Variants in INO80D observed in about 807,000 individuals in gnomAD.
INO80D encodes INO80 complex subunit D.
Under a neutral mutation model 87.6 loss-of-function variants are expected in INO80D, and 21 were observed. That is an observed-to-expected ratio of 0.24 (90% CI 0.17 to 0.35). The LOEUF (loss-of-function observed/expected upper bound fraction) is 0.35, where lower values mean the gene tolerates loss of function less well. INO80D is among the 10% of genes least tolerant of loss of function. The probability of loss-of-function intolerance (pLI) is 1.00; values close to 1 mark genes in which losing one functional copy is unlikely to be tolerated. For synonymous variants in INO80D, 440 were observed against 491.0 expected, an observed-to-expected ratio of 0.90 and a Z score of 1.37; for missense variants, 982 against 1,280.7, an observed-to-expected ratio of 0.77 and a Z score of 3.56.
chr2:206,018,430 G>A (rs1220112795), intron 7 of INO80D, among the ~76,000 whole-genome samples: 1 of 152,142 alleles, frequency 6.6e-6, no homozygotes, highest in Non-Finnish European at 1.5e-5. Flanking sequence ...ATAGGCATAA[G>A]CCACTGCACC....
At chr2:206,069,032 C>T (rs534552314) in intron 1 of INO80D, among the ~76,000 whole-genome samples, 120 of 152,176 alleles carry the variant, frequency 7.9e-4, no homozygotes, top group Middle Eastern at 3.4e-3. Context: ...ATGAGTTTAT[C>T]CAATTTATAA....
intron 1 of INO80D, among the ~76,000 whole-genome samples, chr2:206,083,982 C>T (rs1239589936): frequency 1.3e-5 from 2 of 151,262 alleles, no homozygotes; most frequent in African/African-American, 2.4e-5. Flanking sequence ...TCAATGTCAA[C>T]ACTCAAGAAC....
In INO80D at chr2:206,009,754, T is replaced by C. The variant is rs1688120990; in HGVS notation, c.1583A>G (p.His528Arg). 8 of 1,613,708 alleles carry C rather than the reference T, an allele frequency of 5.0e-6. No individual in the cohort carries two copies. The highest frequency in any genetic ancestry group is 6.8e-6 in the Non-Finnish European group (8 of 1,179,750). The change falls in exon 9 of 11, where the codon CAC becomes CGC. Residue 528 changes from histidine (H) to arginine (R), a missense_variant. His to Arg is a conservative substitution (Grantham distance 29). Transcript: ENST00000403263. ...TTTCCTGGGTTTCCTCTGCTGCTGG[T>C]GCTGAACTTTACGGGAGTTATCTCC... is the stretch of plus-strand genomic sequence containing the variant. Reference protein sequence around the residue: ...LRGDNSRKVQHQQQRKPRKKT... With the variant: ...LRGDNSRKVQRQQQRKPRKKT...
In INO80D at chr2:206,060,629, C is replaced by T. The variant is rs61637011; in HGVS notation, c.218+2170G>A. On this transcript the variant is annotated intron_variant, in intron 3 of 10. Coordinates refer to ENST00000403263, the MANE Select transcript of INO80D (RefSeq NM_017759.5). Reference sequence around the variant, plus strand: ...AGGCTGGAGTGCAATGGCGCGATCTCCGCTCACTGCAACCTCCGCCTCCTG... The same window carrying T: ...AGGCTGGAGTGCAATGGCGCGATCTTCGCTCACTGCAACCTCCGCCTCCTG... Among the ~76,000 whole-genome samples, 8 of 151,162 alleles carry T rather than the reference C, an allele frequency of 5.3e-5. No individual in the cohort carries two copies. The Middle Eastern group carries it at 0.014, about 262-fold the overall frequency.
rs769668685 is a variant in INO80D, at chr2:206,004,657, G to A, written c.2795C>T (p.Pro932Leu). ...PTTSNSETTQ[P>L]AFATVTPSSS... ...GCTGGGGGTCACGGTGGCGAAGGCA[G>A]GCTGTGTGGTCTCTGAGTTCGAAGT... is the stretch of plus-strand genomic sequence containing the variant. Residue 932 changes from proline to leucine, a missense_variant, in exon 11 of 11, where the codon CCT (proline) becomes CTT (leucine). Coordinates refer to ENST00000403263, the MANE Select transcript of INO80D (RefSeq NM_017759.5). The surrounding 1 kb of genome is among the most constrained non-coding windows in gnomAD (Gnocchi z 4.9). 1.2e-6 allele frequency: 2 copies of A among 1,613,786 alleles called. No homozygotes were observed. Among genetic ancestry groups the A allele is most frequent in the South Asian group, 1.1e-5 (1 of 91,060 alleles).
In INO80D at chr2:205,994,786, T is replaced by C. The variant is rs1687778543; in HGVS notation, c.*9582A>G. The C allele has an allele frequency of 6.6e-6, 1 of 151,474 alleles. No homozygotes were observed. Among genetic ancestry groups the C allele is most frequent in the African/African-American group, 2.4e-5 (1 of 41,210 alleles). The allele number at this position is 151,474 out of a possible 1,614,324, so 9.4% of individuals were successfully genotyped here. A position where few individuals can be genotyped will look rare whatever the true frequency, so the allele number is the denominator to read the frequency against. On this transcript the variant is annotated 3_prime_UTR_variant, in exon 11 of 11. Transcript: ENST00000403263. ...TCTTCCTTAATAGTCTTGCATTCAG[T>C]GTGTCAAATTGATGTACTAATGAAA... is the stretch of plus-strand genomic sequence containing the variant.
At chr2:206,070,006 G>A (rs12475967) in intron 1 of INO80D, among the ~76,000 whole-genome samples, 41,215 of 152,144 alleles carry the variant, frequency 0.27, 6,679 homozygotes, top group Non-Finnish European at 0.36. Context: ...AGGTATGATG[G>A]TGCACGCCTG....
intron 4 of INO80D, among the ~76,000 whole-genome samples, chr2:206,046,925 C>T (rs1213645151): frequency 8.6e-5 from 13 of 152,032 alleles, no homozygotes; most frequent in African/African-American, 2.2e-4. Context: ...GGACTACACG[C>T]GCCAGCCACC....
At position 206,004,951 on chromosome 2, in the gene INO80D, T is replaced by C. The variant is rs542653405; in HGVS notation, c.2501A>G (p.His834Arg). ...ATGGTCACTGTAGGGAGACGGCACA[T>C]GCTCACTATCATAATGGCTTCCATG... The part of the protein sequence containing the change: ...SPHGSHYDSE[H>R]VPSPYSDHIT... Residue 834 changes from histidine to arginine, a missense_variant, in exon 11 of 11, where the codon CAT (histidine) becomes CGT (arginine). His to Arg is a conservative substitution (Grantham distance 29). Transcript: ENST00000403263. This position sits in a 1 kb window ranked among gnomAD's most constrained non-coding sequence, Gnocchi z 4.9. 68 of 1,613,998 alleles carry C rather than the reference T, an allele frequency of 4.2e-5. No homozygotes were observed. The Admixed American group carries it at 6.8e-4, about 16-fold the overall frequency.
intron 6 of INO80D, among the ~76,000 whole-genome samples, chr2:206,022,821 C>T (rs1456669935): frequency 1.3e-5 from 2 of 152,270 alleles, no homozygotes; most frequent in East Asian, 3.9e-4. Flanking sequence ...TCAAGCAATT[C>T]TCCCACAGCA....
chr2:206,005,801 T>C (rs182589303), intron 10 of INO80D, among the ~76,000 whole-genome samples: 1 of 152,320 alleles, frequency 6.6e-6, no homozygotes, highest in African/African-American at 2.4e-5. Context: ...AGTACTAAAT[T>C]CTTAGGAATT....
intron 5 of INO80D, among the ~76,000 whole-genome samples, chr2:206,039,326 G>A (rs1245719183): frequency 6.6e-6 from 1 of 151,846 alleles, no homozygotes; most frequent in Non-Finnish European, 1.5e-5. Flanking sequence ...GAACCCAGGA[G>A]GCAGACATTG....
rs1177982685 is a variant in INO80D at position 206,004,243 on chromosome 2, AG to A, written c.*124del. ...TGCAGGGCCACTCATTGAACTGGGAAGGGGGGTGCCCCTCTGATCCCCATCT... is the reference window on the plus strand; with the variant it reads ...TGCAGGGCCACTCATTGAACTGGGAAGGGGGTGCCCCTCTGATCCCCATCT... On this transcript the variant is annotated 3_prime_UTR_variant, in exon 11 of 11. Coordinates refer to ENST00000403263, the MANE Select transcript of INO80D (RefSeq NM_017759.5). The surrounding 1 kb of genome is among the most constrained non-coding windows in gnomAD (Gnocchi z 4.9). 10 of 863,216 alleles carry A rather than the reference AG, an allele frequency of 1.2e-5. No homozygotes were observed. The highest frequency in any genetic ancestry group is 3.4e-5 in the South Asian group (2 of 59,268). The allele number at this position is 863,216 out of a possible 1,614,324, so 53.5% of individuals were successfully genotyped here. A position where few individuals can be genotyped will look rare whatever the true frequency, so the allele number is the denominator to read the frequency against.
intron 5 of INO80D, among the ~76,000 whole-genome samples, chr2:206,037,683 A>C (rs1325134490): frequency 6.6e-6 from 1 of 152,240 alleles, no homozygotes; most frequent in Non-Finnish European, 1.5e-5. Flanking sequence ...AAGTAAAAAT[A>C]GAACTATAGA....
chr2:206,019,063 G>A (rs1688393193), intron 7 of INO80D, among the ~76,000 whole-genome samples: 1 of 152,182 alleles, frequency 6.6e-6, no homozygotes, highest in African/African-American at 2.4e-5. Context: ...CATAGAAAGT[G>A]CTGCTGAACA....
chr2:206,008,045 A>G (rs112409022), intron 9 of INO80D: 42,278 of 152,424 alleles, frequency 0.28, 6,813 homozygotes, highest in Non-Finnish European at 0.36. Context: ...GCAATGGCGC[A>G]ATCTCGGCTC....
chr2:206,070,794 T>A (rs1043584865), intron 1 of INO80D, among the ~76,000 whole-genome samples: 2 of 151,974 alleles, frequency 1.3e-5, no homozygotes, highest in Non-Finnish European at 2.9e-5. Flanking sequence ...GAAATAAAAT[T>A]CTTGGGTTGT....
At chr2:206,083,158 A>C (rs181055913) in intron 1 of INO80D, among the ~76,000 whole-genome samples, 22 of 152,358 alleles carry the variant, frequency 1.4e-4, no homozygotes, top group Admixed American at 1.1e-3. Context: ...TCAGGAAATA[A>C]AGTAGCCCAT....
intron 5 of INO80D, among the ~76,000 whole-genome samples, chr2:206,039,389 C>T (rs1267388368): frequency 1.3e-5 from 2 of 151,388 alleles, no homozygotes; most frequent in Admixed American, 6.6e-5. Flanking sequence ...AAAAGCAAAA[C>T]GAAAGTCCAT....
Sources: allele counts gnomAD v4.1 joint callset (sites outside exome capture counted in the v4.1 genomes callset), GRCh38; gene constraint gnomAD v4.1.1; non-coding constraint Gnocchi (gnomAD v3.1); transcripts MANE v1.5; gene names NCBI Gene and HGNC (gene_info 2026-07-23, HGNC 2026-07-21).